Variants in LEF1 observed in about 807,000 individuals in gnomAD.
LEF1 encodes lymphoid enhancer-binding factor 1.
A neutral mutation model predicts 51.2 loss-of-function variants in LEF1; 14 were observed. That is an observed-to-expected ratio of 0.27 (90% CI 0.18 to 0.43). The LOEUF is 0.43. Among genes scored for constraint, LEF1 ranks in the 20% least tolerant of loss-of-function variants. The probability of loss-of-function intolerance (pLI) is 1.00; values close to 1 mark genes in which losing one functional copy is unlikely to be tolerated. For missense variants in LEF1, 386 were observed against 512.0 expected (o/e 0.75, Z 2.37); for synonymous variants, 185 against 183.2 (o/e 1.01, Z -0.08).
At chr4:108,144,296 T>C (rs1035820755) in intron 3 of LEF1, among the ~76,000 whole-genome samples, 1 of 152,198 alleles carries the variant, frequency 6.6e-6, no homozygotes, top group Non-Finnish European at 1.5e-5. Context: ...TCCATTTCCT[T>C]TGGTTATTCC....
chr4:108,089,299 A>C, intron 3 of LEF1, 42 bp from the exon 4 acceptor site: 1 of 1,585,814 alleles, frequency 6.3e-7, no homozygotes, highest in Non-Finnish European at 8.6e-7. Flanking sequence ...ATGGATGCCC[A>C]GCTCCAGTCT....
rs936832612 is a variant in LEF1 at position 108,155,364 on chromosome 4, C to T, written c.414+8204G>A. ...AAATCTGCTGCTCTCCTAACAATCA[C>T]AAGGAAAGCGAGCCCAAGAGAGGAA... On this transcript the variant is annotated intron_variant, in intron 3 of 11. Transcript: ENST00000265165. 2.6e-5 allele frequency among the ~76,000 whole-genome samples: 4 copies of T among 152,274 alleles called. No individual in the cohort carries two copies. The East Asian group carries it at 5.8e-4, about 22-fold the overall frequency.
At chr4:108,130,598 T>C (rs956469471) in intron 3 of LEF1, among the ~76,000 whole-genome samples, 1 of 148,706 alleles carries the variant, frequency 6.7e-6, no homozygotes, top group Non-Finnish European at 1.5e-5. Flanking sequence ...GGTGTGGTGG[T>C]GTGCACCTGT....
At chr4:108,099,548 G>GGGCATATA (rs1740621290) in intron 3 of LEF1, among the ~76,000 whole-genome samples, 1 of 71,514 alleles carries the variant, frequency 1.4e-5, no homozygotes, top group African/African-American at 6.0e-5. Flanking sequence ...GTATATGTGT[G>GGGCATATA]TGTGTGTATG....
chr4:108,065,629 C>G (rs1738028552), intron 9 of LEF1, among the ~76,000 whole-genome samples: 1 of 152,102 alleles, frequency 6.6e-6, no homozygotes, highest in South Asian at 2.1e-4. Context: ...CCTCAATGGC[C>G]AAGTGACATG....
rs527774149 is a variant in LEF1 at position 108,168,074 on chromosome 4, T to C, written c.-307A>G. On this transcript the variant is annotated 5_prime_UTR_variant, in exon 1 of 12. Transcript: ENST00000265165. This position sits in a 1 kb window ranked among gnomAD's most constrained non-coding sequence, Gnocchi z 4.6. ...GGTAGCTGGCGACTCCGGGGGCGTC[T>C]GCGCGGCGCGCGCTAGACGAGGCTG... is the stretch of plus-strand genomic sequence containing the variant. 2.7e-3 allele frequency: 418 copies of C among 155,264 alleles called. 1 individual carries two copies. Among genetic ancestry groups the C allele is most frequent in the African/African-American group, 9.5e-3 (394 of 41,612 alleles). The allele number at this position is 155,264 out of a possible 1,614,324, so 9.6% of individuals were successfully genotyped here.
Position 108,165,085 on chromosome 4 carries a change from T to C in LEF1, c.280+12A>G. 1 of 1,613,014 alleles carries C rather than the reference T, an allele frequency of 6.2e-7. No individual in the cohort carries two copies. Among genetic ancestry groups the C allele is most frequent in the Non-Finnish European group, 8.5e-7 (1 of 1,179,012 alleles). On this transcript the variant is annotated intron_variant, in intron 2 of 11. Transcript: ENST00000265165. ...TCTGCTAAAGTCAGAAGAAGTAGAA[T>C]GGGTGTCTTACCGTCATCGGGGTGT...
intron 3 of LEF1, among the ~76,000 whole-genome samples, chr4:108,148,288 A>C (rs76578578): frequency 0.029 from 4,331 of 151,040 alleles, 127 homozygotes; most frequent in African/African-American, 0.072. Context: ...AAAAAAAAAA[A>C]ATTTATCAAG....
chr4:108,157,179 TACACAC>T (rs59867246), intron 3 of LEF1, among the ~76,000 whole-genome samples: 77 of 116,786 alleles, frequency 6.6e-4, no homozygotes, highest in South Asian at 1.7e-3. Context: ...TATATATATA[TACACAC>T]ACACACACAC....
At chr4:108,079,155 G>A (rs113227786) in intron 7 of LEF1, among the ~76,000 whole-genome samples, 1 of 152,144 alleles carries the variant, frequency 6.6e-6, no homozygotes, top group Admixed American at 6.5e-5. Flanking sequence ...ACTCAGGTAG[G>A]AACAGGTTCT....
chr4:108,163,672 T>C lies in LEF1; in HGVS notation c.310A>G (p.Lys104Glu). ...GKHPDGGLYN[K>E]GPSYSSYSGY... ...GAATAACTCGAGTAGGAGGGTCCCT[T>C]GTTGTAGAGGCCTCCATCTGGATGC... The change falls in exon 3 of 12, where the codon AAG becomes GAG. Residue 104 changes from lysine (K) to glutamate (E), a missense_variant. Coordinates refer to ENST00000265165, the MANE Select transcript of LEF1 (RefSeq NM_016269.5). 3.1e-6 allele frequency: 5 copies of C among 1,613,676 alleles called. No homozygotes were observed. Among genetic ancestry groups the C allele is most frequent in the Non-Finnish European group, 4.2e-6 (5 of 1,179,816 alleles).
chr4:108,148,216 T>C (rs1744115307), intron 3 of LEF1, among the ~76,000 whole-genome samples: 1 of 152,172 alleles, frequency 6.6e-6, no homozygotes. Flanking sequence ...TAAATAGTTC[T>C]GAGTTTCTGA....
At chr4:108,048,843 CCT>C (rs1736790882) in intron 11 of LEF1, 92 bp from the exon 12 acceptor site, 1 of 781,068 alleles carries the variant, frequency 1.3e-6, no homozygotes, top group Non-Finnish European at 1.9e-6. Context: ...TGTCTTACAA[CCT>C]CTGCATTTAA....
chr4:108,067,375 CTTAAGAA>C, intron 9 of LEF1, among the ~76,000 whole-genome samples: 1 of 152,078 alleles, frequency 6.6e-6, no homozygotes. Context: ...AAACTCATTA[CTTAAGAA>C]TTAGAAAAAC....
intron 3 of LEF1, among the ~76,000 whole-genome samples, chr4:108,157,179 T>TATATACACACACACACACAC (rs780217431): frequency 8.6e-6 from 1 of 116,740 alleles, no homozygotes; most frequent in Non-Finnish European, 1.7e-5. Context: ...TATATATATA[T>TATATACACACACACACACAC]ACACACACAC....
rs551043738 is a variant in LEF1, at chr4:108,092,726, A to G, written c.415-3469T>C. 3.3e-5 allele frequency among the ~76,000 whole-genome samples: 5 copies of G among 152,278 alleles called. No homozygotes were observed. In the East Asian group the frequency reaches 9.6e-4, roughly 29 times the overall value. On this transcript the variant is annotated intron_variant, in intron 3 of 11. Transcript: ENST00000265165. ...GTGTTTGTAGACAAATTAAGTGGCTACATCACATGCAGAGTTATACATGCC... is the reference window on the plus strand; with the variant it reads ...GTGTTTGTAGACAAATTAAGTGGCTGCATCACATGCAGAGTTATACATGCC...
At chr4:108,156,295 G>A (rs972202494) in intron 3 of LEF1, among the ~76,000 whole-genome samples, 3 of 152,008 alleles carry the variant, frequency 2.0e-5, no homozygotes, top group Non-Finnish European at 2.9e-5. Flanking sequence ...ACTGTTTTCA[G>A]GAGTTATCTG....
chr4:108,061,715 G>C (rs1269524491), intron 11 of LEF1, among the ~76,000 whole-genome samples: 1 of 152,154 alleles, frequency 6.6e-6, no homozygotes, highest in Admixed American at 6.5e-5. Context: ...AGCTACTGGG[G>C]TGGGTGTCAT....
intron 9 of LEF1, among the ~76,000 whole-genome samples, chr4:108,065,072 A>T (rs1462866467): frequency 6.6e-6 from 1 of 152,240 alleles, no homozygotes; most frequent in Non-Finnish European, 1.5e-5. Context: ...CAGACAAAAT[A>T]ACATGGATAT....
Sources: gnomAD v4.1 joint callset for allele counts (sites outside exome capture counted in the v4.1 genomes callset) on GRCh38, gnomAD v4.1.1 for gene constraint, Gnocchi (gnomAD v3.1) non-coding constraint, MANE v1.5 for transcripts, NCBI Gene and HGNC (gene_info 2026-07-23, HGNC 2026-07-21) for gene names.